Variants in UBXN2B observed in about 807,000 individuals in gnomAD.
UBXN2B encodes UBX domain-containing protein 2B.
Under a neutral mutation model 37.5 loss-of-function variants are expected in UBXN2B, and 19 were observed. The observed-to-expected ratio is 0.51, with a 90% confidence interval of 0.35 to 0.74. UBXN2B has a LOEUF of 0.74. Among genes scored for constraint, UBXN2B ranks in the 30% least tolerant of loss-of-function variants. The pLI is 0.01. For synonymous variants in UBXN2B, 145 were observed against 143.8 expected, an observed-to-expected ratio of 1.01 and a Z score of -0.06; for missense variants, 370 against 393.2, an observed-to-expected ratio of 0.94 and a Z score of 0.50.
chr8:58,426,701 C>T lies in UBXN2B; in HGVS notation c.189-3818C>T, dbSNP rs184663806. ...ACAATGTCATGTTCCTCCCACATTC[C>T]GGCTCCGTGACAGACCCGTTCCTTG... On this transcript the variant is annotated intron_variant, in intron 2 of 7. Transcript: ENST00000399598. 64 of 697,078 alleles carry T rather than the reference C, an allele frequency of 9.2e-5. No individual in the cohort carries two copies. In the African/African-American group the frequency reaches 9.6e-4, roughly 10 times the overall value. 43.2% of individuals were successfully genotyped at this position (697,078 alleles called of 1,614,324 possible).
chr8:58,419,840 C>T (rs968737848), intron 2 of UBXN2B, among the ~76,000 whole-genome samples: 2 of 152,244 alleles, frequency 1.3e-5, no homozygotes, highest in African/African-American at 4.8e-5. Flanking sequence ...GCCAGGAAGG[C>T]TTTCATAGGC....
At chr8:58,437,932 T>G (rs1187282211) in intron 5 of UBXN2B, among the ~76,000 whole-genome samples, 1 of 148,836 alleles carries the variant, frequency 6.7e-6, no homozygotes. Context: ...TGAAGGCATT[T>G]CAGAGACCTT....
chr8:58,447,517 T>C lies in UBXN2B; in HGVS notation c.962T>C (p.Ile321Thr), dbSNP rs922032339. Residue 321 changes from isoleucine to threonine, a missense_variant, in exon 8 of 8, where the codon ATT becomes ACT. By Grantham distance (89) the Ile-to-Thr change is moderately conservative (BLOSUM62 -1). Transcript: ENST00000399598. ...DESLTLLEAD[I>T]LNTVLLQQLK ...AGCCTGACACTGCTAGAAGCAGATA[T>C]TCTTAACACTGTGTTACTCCAGCAA... is the stretch of plus-strand genomic sequence containing the variant. 9 of 1,612,572 alleles carry C rather than the reference T, an allele frequency of 5.6e-6. No homozygotes were observed. In the Admixed American group the frequency reaches 6.7e-5, roughly 12 times the overall value.
intron 2 of UBXN2B, chr8:58,426,764 C>A: frequency 1.6e-6 from 1 of 634,710 alleles, no homozygotes; most frequent in East Asian, 3.1e-5. Flanking sequence ...TGGGCTGGCC[C>A]GAGGGAGGCC....
chr8:58,441,367 A>ATG (rs1554553152), intron 6 of UBXN2B, among the ~76,000 whole-genome samples: 1 of 142,472 alleles, frequency 7.0e-6, no homozygotes, highest in Non-Finnish European at 1.5e-5. Flanking sequence ...ATATATATAT[A>ATG]TGTATGTGTA....
intron 1 of UBXN2B, among the ~76,000 whole-genome samples, chr8:58,416,491 A>C (rs951234290): frequency 1.3e-5 from 2 of 152,172 alleles, no homozygotes; most frequent in Non-Finnish European, 2.9e-5. Flanking sequence ...TGATGGAAGA[A>C]GCTGACGTTA....
chr8:58,431,685 A>G (rs577548006), intron 3 of UBXN2B, among the ~76,000 whole-genome samples: 18 of 152,368 alleles, frequency 1.2e-4, no homozygotes, highest in Admixed American at 2.6e-4. Flanking sequence ...TCCCACATAT[A>G]TGAGAGAGCA....
At chr8:58,422,267 C>T (rs1166561431) in intron 2 of UBXN2B, among the ~76,000 whole-genome samples, 1 of 152,184 alleles carries the variant, frequency 6.6e-6, no homozygotes, top group African/African-American at 2.4e-5. Context: ...GGGGCTGATA[C>T]ACATTTTGTT....
At chr8:58,423,807 C>T (rs1009441757) in intron 2 of UBXN2B, among the ~76,000 whole-genome samples, 1 of 151,634 alleles carries the variant, frequency 6.6e-6, no homozygotes, top group Non-Finnish European at 1.5e-5. Flanking sequence ...CAACCAAAAA[C>T]ACTGGTCATT....
At position 58,434,786 on chromosome 8, in the gene UBXN2B, T is replaced by G. The variant is rs1808370305; in HGVS notation, c.533+282T>G. On this transcript the variant is annotated intron_variant, in intron 5 of 7. Transcript: ENST00000399598. The stretch of plus-strand genomic sequence containing the variant: ...CCAGCTCCAAGAAGAAACATCTTAA[T>G]GTGATAATCAGTGAATTAATTAGTA... 4.6e-6 allele frequency: 7 copies of G among 1,525,252 alleles called. No individual in the cohort carries two copies. In the African/African-American group the frequency reaches 9.6e-5, roughly 21 times the overall value. 94.5% of individuals were successfully genotyped at this position (1,525,252 alleles called of 1,614,324 possible).
intron 1 of UBXN2B, among the ~76,000 whole-genome samples, chr8:58,415,174 G>A (rs1200282392): frequency 3.3e-5 from 5 of 151,896 alleles, no homozygotes; most frequent in Non-Finnish European, 7.4e-5. Flanking sequence ...GGGGTATTAC[G>A]TGCTATGAGT....
intron 2 of UBXN2B, among the ~76,000 whole-genome samples, chr8:58,424,352 G>C (rs1448465629): frequency 6.6e-6 from 1 of 152,098 alleles, no homozygotes; most frequent in Non-Finnish European, 1.5e-5. Context: ...CTACATAGTA[G>C]AGATGATTTC....
intron 6 of UBXN2B, among the ~76,000 whole-genome samples, chr8:58,441,687 A>G (rs1411646674): frequency 6.6e-6 from 1 of 152,164 alleles, no homozygotes; most frequent in Non-Finnish European, 1.5e-5. Flanking sequence ...TAACGATATT[A>G]TCTGATGATA....
At chr8:58,417,000 TA>T in intron 2 of UBXN2B, 47 bp downstream of exon 2, 1 of 1,460,848 alleles carries the variant, frequency 6.8e-7, no homozygotes, top group Non-Finnish European at 9.2e-7. Context: ...TAATCCTTTC[TA>T]AAAATTTACT....
rs991634477 is a variant in UBXN2B, at chr8:58,428,000, G to C, written c.189-2519G>C. ...AAAGTCCAGGAGAGAGTTCAACTATGAAACAGCGAAAGGGAGAAGAAGGAT... is the reference window on the plus strand; with the variant it reads ...AAAGTCCAGGAGAGAGTTCAACTATCAAACAGCGAAAGGGAGAAGAAGGAT... On this transcript the variant is annotated intron_variant, in intron 2 of 7. Coordinates refer to ENST00000399598, the MANE Select transcript of UBXN2B (RefSeq NM_001077619.2). Among the ~76,000 whole-genome samples the C allele has an allele frequency of 9.2e-5, 14 of 152,138 alleles. 1 individual carries two copies. The highest frequency in any genetic ancestry group is 9.2e-4 in the Admixed American group (14 of 15,278).
chr8:58,411,582 C>G (rs928307735), intron 1 of UBXN2B, 113 bp downstream of exon 1: 7 of 889,804 alleles, frequency 7.9e-6, no homozygotes, highest in Non-Finnish European at 1.0e-5. Context: ...TCCCCGACCC[C>G]GTCTGGGGAT....
At chr8:58,426,355 T>C (rs549048626) in intron 2 of UBXN2B, among the ~76,000 whole-genome samples, 2 of 152,086 alleles carry the variant, frequency 1.3e-5, no homozygotes, top group African/African-American at 2.4e-5. Context: ...TACAGGTGCC[T>C]GCCACCATGC....
At chr8:58,434,955 T>C (rs545200527) in intron 5 of UBXN2B, 4 of 1,535,474 alleles carry the variant, frequency 2.6e-6, no homozygotes, top group Admixed American at 2.0e-5. Context: ...AAAGGTTAGT[T>C]TGAAGTTATA....
chr8:58,415,653 G>A (rs923983695), intron 1 of UBXN2B, among the ~76,000 whole-genome samples: 3 of 151,984 alleles, frequency 2.0e-5, no homozygotes, highest in South Asian at 2.1e-4. Flanking sequence ...AAATGACTAC[G>A]GTGATTTTTT....
Sources: gnomAD v4.1 joint callset for allele counts (sites outside exome capture counted in the v4.1 genomes callset) on GRCh38, gnomAD v4.1.1 for gene constraint, MANE v1.5 for transcripts, NCBI Gene and HGNC (gene_info 2026-07-23, HGNC 2026-07-21) for gene names.